FGF10: variants seen among roughly 807,000 people sequenced by gnomAD.
FGF10 encodes fibroblast growth factor 10.
A neutral mutation model predicts 19.8 loss-of-function variants in FGF10; 2 were observed. That is an observed-to-expected ratio of 0.10 (90% CI 0.04 to 0.32). The LOEUF (loss-of-function observed/expected upper bound fraction) is 0.32. Ranked by LOEUF, FGF10 falls within the 10% of genes least tolerant of loss-of-function variation. FGF10 has a pLI of 1.00. For missense variants in FGF10, 191 were observed against 246.3 expected (o/e 0.78, Z 1.50); for synonymous variants, 112 against 94.0 (o/e 1.19, Z -1.10).
chr5:44,323,848 A>G (rs1224126699), intron 1 of FGF10, among the ~76,000 whole-genome samples: 2 of 152,136 alleles, frequency 1.3e-5, no homozygotes, highest in Non-Finnish European at 2.9e-5. Flanking sequence ...TTAAGAAAAA[A>G]CATGATCTAT....
At chr5:44,310,920 A>G (rs954115979) in intron 1 of FGF10, among the ~76,000 whole-genome samples, 4 of 152,144 alleles carry the variant, frequency 2.6e-5, no homozygotes, top group African/African-American at 9.6e-5. Flanking sequence ...GTACTATGGT[A>G]TTAAATTAAA....
At position 44,388,949 on chromosome 5, in the gene FGF10, G is replaced by A. The variant is rs1377550834; in HGVS notation, c.-267C>T. 1 of 564,658 alleles carries A rather than the reference G, an allele frequency of 1.8e-6. No homozygotes were observed. The highest frequency in any genetic ancestry group is 3.2e-6 in the Non-Finnish European group (1 of 313,666). The allele number at this position is 564,658 out of a possible 1,614,324, so 35.0% of individuals were successfully genotyped here. Reference sequence around the variant, plus strand: ...GACGTGGGTGGCCGCAGCAGCAGGAGCTGGTGGTGGCGTTGGTGGTGTTGG... The same window carrying A: ...GACGTGGGTGGCCGCAGCAGCAGGAACTGGTGGTGGCGTTGGTGGTGTTGG... On this transcript the variant is annotated 5_prime_UTR_variant, in exon 1 of 3. Transcript: ENST00000264664.
chr5:44,350,747 A>G (rs1426886930), intron 1 of FGF10, among the ~76,000 whole-genome samples: 1 of 151,172 alleles, frequency 6.6e-6, no homozygotes, highest in African/African-American at 2.4e-5. Flanking sequence ...TCATGAAAAA[A>G]AAAATCAGTA....
At chr5:44,366,442 A>T (rs1741616496) in intron 1 of FGF10, among the ~76,000 whole-genome samples, 1 of 151,954 alleles carries the variant, frequency 6.6e-6, no homozygotes, top group African/African-American at 2.4e-5. Context: ...TTTAATTGTC[A>T]GAGCCAGGAA....
chr5:44,388,066 A>G (rs562022634), intron 1 of FGF10, among the ~76,000 whole-genome samples: 2 of 152,074 alleles, frequency 1.3e-5, no homozygotes, highest in South Asian at 2.1e-4. Context: ...GCACTGCAAC[A>G]ACTCTCTTGA....
At position 44,317,534 on chromosome 5, in the gene FGF10, A is replaced by G. The variant is rs145272344; in HGVS notation, c.326-7004T>C. ...CAGAAACTTACAATGCAATATAGGGACAATATTCTTAAGTGGTAAATTAAT... is the reference window on the plus strand; with the variant it reads ...CAGAAACTTACAATGCAATATAGGGGCAATATTCTTAAGTGGTAAATTAAT... On this transcript the variant is annotated intron_variant, in intron 1 of 2. Transcript: ENST00000264664. Among the ~76,000 whole-genome samples the G allele has an allele frequency of 2.2e-3, 331 of 152,284 alleles. 2 individuals are homozygous for G. Among genetic ancestry groups the G allele is most frequent in the African/African-American group, 7.7e-3 (320 of 41,562 alleles).
chr5:44,325,611 C>T (rs186436419), intron 1 of FGF10, among the ~76,000 whole-genome samples: 2,015 of 152,020 alleles, frequency 0.013, 87 homozygotes, highest in East Asian at 0.12. Context: ...TGGAAACCAT[C>T]ATTCTCAGCA....
At chr5:44,305,970 G>C (rs189294657) in intron 2 of FGF10, among the ~76,000 whole-genome samples, 1 of 152,206 alleles carries the variant, frequency 6.6e-6, no homozygotes, top group East Asian at 1.9e-4. Context: ...ATAGAGCTTT[G>C]GTTTTGTTCA....
At position 44,372,652 on chromosome 5, in the gene FGF10, A is replaced by G. The variant is rs1005665598; in HGVS notation, c.325+15706T>C. Among the ~76,000 whole-genome samples, 3 of 152,194 alleles carry G rather than the reference A, an allele frequency of 2.0e-5. No homozygotes were observed. The East Asian group carries it at 5.8e-4, about 29-fold the overall frequency. On this transcript the variant is annotated intron_variant, in intron 1 of 2. Coordinates refer to ENST00000264664, the MANE Select transcript of FGF10 (RefSeq NM_004465.2). ...ATGGATAAGACTCTGGGTATGATCT[A>G]TCCTGGGCAAAATTATTCTCCATTA...
intron 1 of FGF10, among the ~76,000 whole-genome samples, chr5:44,359,169 G>A (rs1741419341): frequency 6.6e-6 from 1 of 151,470 alleles, no homozygotes; most frequent in South Asian, 2.1e-4. Flanking sequence ...AGCACCTTTG[G>A]AGAGTGCTTA....
chr5:44,384,178 T>G (rs1270913326), intron 1 of FGF10, among the ~76,000 whole-genome samples: 1 of 152,118 alleles, frequency 6.6e-6, no homozygotes, highest in Non-Finnish European at 1.5e-5. Context: ...ATGGGAACAA[T>G]TAAACATTTG....
intron 1 of FGF10, among the ~76,000 whole-genome samples, chr5:44,340,257 C>T (rs1225582503): frequency 6.6e-6 from 1 of 151,862 alleles, no homozygotes; most frequent in Middle Eastern, 3.2e-3. Context: ...TGAAAGTAGC[C>T]CAAAGAATAG....
chr5:44,376,502 AAAAAAAAAAAAAAAAC>A lies in FGF10; in HGVS notation c.325+11840_325+11855del, dbSNP rs1222638971. On this transcript the variant is annotated intron_variant, in intron 1 of 2. Transcript: ENST00000264664. ...AGAATACAAATGCCAAAAAAAAAAA[AAAAAAAAAAAAAAAAC>A]AAAAAACCCACAACTAGAGCAAGAA... is the stretch of plus-strand genomic sequence containing the variant. 4.2e-4 allele frequency among the ~76,000 whole-genome samples: 48 copies of A among 113,612 alleles called. No individual in the cohort carries two copies. In the East Asian group the frequency reaches 7.7e-3, roughly 18 times the overall value. The allele number at this position is 113,612 out of a possible 152,430, so 74.5% of individuals were successfully genotyped here.
chr5:44,385,257 GC>G (rs1017515425), intron 1 of FGF10, among the ~76,000 whole-genome samples: 4 of 151,962 alleles, frequency 2.6e-5, no homozygotes, highest in African/African-American at 7.2e-5. Context: ...AAAAAGTATA[GC>G]CCCCCACCCT....
At position 44,349,326 on chromosome 5, in the gene FGF10, C is replaced by CT. The variant is rs1374701649; in HGVS notation, c.326-38797dup. Among the ~76,000 whole-genome samples, 42 of 146,298 alleles carry CT rather than the reference C, an allele frequency of 2.9e-4. No individual in the cohort carries two copies. The East Asian group carries it at 5.3e-3, about 18-fold the overall frequency. On this transcript the variant is annotated intron_variant, in intron 1 of 2. Transcript: ENST00000264664. ...TTCATATGGAAAGCAATTTAGCTATCTTTTTTTTACCACCACTTTACAAAT... is the reference window on the plus strand; with the variant it reads ...TTCATATGGAAAGCAATTTAGCTATCTTTTTTTTTACCACCACTTTACAAAT...
intron 1 of FGF10, among the ~76,000 whole-genome samples, chr5:44,344,058 A>C (rs1286117444): frequency 6.6e-6 from 1 of 151,950 alleles, no homozygotes; most frequent in Non-Finnish European, 1.5e-5. Flanking sequence ...TGATTAAAGA[A>C]CTAGAGGTGA....
intron 1 of FGF10, among the ~76,000 whole-genome samples, chr5:44,364,255 T>A (rs1474756799): frequency 6.6e-6 from 1 of 151,862 alleles, no homozygotes; most frequent in Non-Finnish European, 1.5e-5. Flanking sequence ...TTGGATGATA[T>A]CCTCTGTGAG....
intron 2 of FGF10, among the ~76,000 whole-genome samples, chr5:44,307,082 C>A (rs1164604433): frequency 6.6e-6 from 1 of 152,054 alleles, no homozygotes; most frequent in African/African-American, 2.4e-5. Context: ...TCAGATGAAG[C>A]TAGGTATACA....
Position 44,305,199 on chromosome 5 carries a change from A to C in FGF10, c.430-7T>G, listed in dbSNP as rs778691836. ...AGTCATTGTTAAATTCTTTCTGCAA[A>C]GGAAAAACAGAATCTTTTATTCCTA... On this transcript the variant is annotated splice_region_variant and splice_polypyrimidine_tract_variant and intron_variant, in intron 2 of 2. Transcript: ENST00000264664. 1 of 1,612,168 alleles carries C rather than the reference A, an allele frequency of 6.2e-7. No individual in the cohort carries two copies. Among genetic ancestry groups the C allele is most frequent in the Non-Finnish European group, 8.5e-7 (1 of 1,178,402 alleles).
Sources: gnomAD v4.1 joint callset for allele counts (sites outside exome capture counted in the v4.1 genomes callset) on GRCh38, gnomAD v4.1.1 for gene constraint, MANE v1.5 for transcripts, NCBI Gene and HGNC (gene_info 2026-07-23, HGNC 2026-07-21) for gene names.